Variants in TANC2 observed in about 807,000 individuals in gnomAD.
The protein encoded by TANC2 is protein TANC2.
In TANC2, 26 loss-of-function variants were observed where a neutral mutation model predicts 210.5. The ratio of observed to expected loss-of-function variants is 0.12; its 90% CI spans 0.09 to 0.17. The LOEUF (loss-of-function observed/expected upper bound fraction) is 0.17, where lower values mean the gene tolerates loss of function less well. TANC2 is among the 10% of genes least tolerant of loss of function. The probability of loss-of-function intolerance (pLI) is 1.00; values close to 1 mark genes in which losing one functional copy is unlikely to be tolerated. For synonymous variants in TANC2, 931 were observed against 967.1 expected (o/e 0.96, Z 0.69); for missense variants, 2,129 against 2,608.9 (o/e 0.82, Z 4.01).
intron 9 of TANC2, among the ~76,000 whole-genome samples, chr17:63,307,125 A>G (rs557047227): frequency 7.4e-4 from 113 of 152,282 alleles, no homozygotes; most frequent in African/African-American, 2.6e-3. Context: ...GGTCCAAATC[A>G]TCTAGAGCCT....
chr17:63,205,198 A>G (rs1172415122), intron 7 of TANC2, among the ~76,000 whole-genome samples: 1 of 152,112 alleles, frequency 6.6e-6, no homozygotes, highest in African/African-American at 2.4e-5. Context: ...TCTTTTCAAC[A>G]ATTAGCGTTA....
At chr17:63,328,493 A>G (rs1474744857) in intron 11 of TANC2, among the ~76,000 whole-genome samples, 1 of 152,032 alleles carries the variant, frequency 6.6e-6, no homozygotes, top group African/African-American at 2.4e-5. Context: ...GAATAGGGAT[A>G]AAACTGAAGG....
intron 1 of TANC2, among the ~76,000 whole-genome samples, chr17:63,008,278 C>A (rs72843153): frequency 1.1e-4 from 16 of 151,996 alleles, no homozygotes; most frequent in African/African-American, 3.6e-4. Flanking sequence ...TTGCTTCTTC[C>A]CAATTTTCAC....
At chr17:63,308,274 G>A (rs1039024355) in intron 9 of TANC2, among the ~76,000 whole-genome samples, 5 of 152,142 alleles carry the variant, frequency 3.3e-5, no homozygotes, top group South Asian at 2.1e-4. Context: ...GGCTTCTTCC[G>A]CTCCCTATCC....
rs543484703 is a variant in TANC2 at position 63,412,570 on chromosome 17, C to T, written c.3899-110C>T. 2 of 1,066,152 alleles carry T rather than the reference C, an allele frequency of 1.9e-6. No individual in the cohort carries two copies. Among genetic ancestry groups the T allele is most frequent in the South Asian group, 1.4e-5 (1 of 71,256 alleles). The allele number at this position is 1,066,152 out of a possible 1,614,324, so 66.0% of individuals were successfully genotyped here. On this transcript the variant is annotated intron_variant, in intron 23 of 27. Coordinates refer to ENST00000689528, the Ensembl canonical transcript of TANC2. This position sits in a 1 kb window ranked among gnomAD's most constrained non-coding sequence, Gnocchi z 4.2. ...AGACGAGGGTTGGCTGATATGCTGG[C>T]TTTGTGCTGCCTGCCTCTCACTGCT...
chr17:63,415,707 A>T, intron 26 of TANC2, 33 bp downstream of exon 26: 1 of 1,604,070 alleles, frequency 6.2e-7, no homozygotes, highest in Non-Finnish European at 8.5e-7. Context: ...CCTTTCTGCA[A>T]TCCTGGTAGC....
Position 63,262,355 on chromosome 17 carries a change from T to C in TANC2, c.1034-5393T>C, listed in dbSNP as rs115463948. On this transcript the variant is annotated intron_variant, in intron 8 of 27. Coordinates refer to ENST00000689528, the Ensembl canonical transcript of TANC2. Reference sequence around the variant, plus strand: ...CACTATACCCAATCAGTTTTTTTGTTTGTTTGTTTAATTTTCAGAGATGAG... The same window carrying C: ...CACTATACCCAATCAGTTTTTTTGTCTGTTTGTTTAATTTTCAGAGATGAG... Among the ~76,000 whole-genome samples the C allele has an allele frequency of 3.5e-3, 534 of 152,238 alleles. 5 individuals are homozygous for C. Among genetic ancestry groups the C allele is most frequent in the African/African-American group, 0.013 (526 of 41,544 alleles).
chr17:63,248,910 C>G (rs930528), intron 8 of TANC2, among the ~76,000 whole-genome samples: 9,758 of 152,060 alleles, frequency 0.064, 446 homozygotes, highest in Non-Finnish European at 0.093. Context: ...TTACATATGA[C>G]ATAAATGGAA....
chr17:63,076,859 A>C (rs538473261), intron 3 of TANC2, among the ~76,000 whole-genome samples: 83 of 152,290 alleles, frequency 5.5e-4, no homozygotes, highest in African/African-American at 1.6e-3. Context: ...AAAATAGAGC[A>C]AAAGGACAAA....
chr17:62,968,786 C>T (rs770869419), intron 1 of TANC2, among the ~76,000 whole-genome samples: 22 of 152,132 alleles, frequency 1.4e-4, no homozygotes, highest in Non-Finnish European at 2.9e-4. Flanking sequence ...AGTTGAAGGG[C>T]TTTAAACTTA....
At chr17:63,133,850 A>T (rs1234403779) in intron 4 of TANC2, among the ~76,000 whole-genome samples, 1 of 152,182 alleles carries the variant, frequency 6.6e-6, no homozygotes, top group African/African-American at 2.4e-5. Flanking sequence ...CTACACATAG[A>T]ATGGGTAGAA....
intron 4 of TANC2, among the ~76,000 whole-genome samples, chr17:63,103,829 TTG>T (rs747429471): frequency 3.6e-4 from 55 of 152,298 alleles, no homozygotes; most frequent in Admixed American, 1.5e-3. Context: ...ATAATGCCTG[TTG>T]TGTGGCATAC....
In TANC2 at chr17:63,100,443, T is replaced by A. The variant is rs1475728206; in HGVS notation, c.322+1086T>A. ...CTTCAGTCTAAAGACACTTTGGTCA[T>A]TAGATTAAAAAAATAGGTAAAATAG... On this transcript the variant is annotated intron_variant, in intron 4 of 27. Transcript: ENST00000689528. Among the ~76,000 whole-genome samples, 2 of 152,094 alleles carry A rather than the reference T, an allele frequency of 1.3e-5. 1 individual carries two copies. The highest frequency in any genetic ancestry group is 4.1e-4 in the South Asian group (2 of 4,832).
intron 21 of TANC2, among the ~76,000 whole-genome samples, chr17:63,406,758 C>T (rs1000825133): frequency 1.3e-5 from 2 of 152,154 alleles, no homozygotes; most frequent in Non-Finnish European, 2.9e-5. Flanking sequence ...TCCACAAATT[C>T]CTGGTGAATG....
At chr17:63,157,280 A>G (rs2145446903) in intron 5 of TANC2, among the ~76,000 whole-genome samples, 1 of 152,280 alleles carries the variant, frequency 6.6e-6, no homozygotes, top group Admixed American at 6.5e-5. Flanking sequence ...ATTTTGGGGT[A>G]TGATTTTCTG....
chr17:62,982,917 T>C (rs1195547026), intron 1 of TANC2, among the ~76,000 whole-genome samples: 1 of 152,222 alleles, frequency 6.6e-6, no homozygotes, highest in East Asian at 1.9e-4. Flanking sequence ...CTTCGTTCTT[T>C]TTGCTCAGAA....
At chr17:63,007,459 T>C (rs1258066383) in intron 1 of TANC2, among the ~76,000 whole-genome samples, 1 of 152,192 alleles carries the variant, frequency 6.6e-6, no homozygotes, top group Non-Finnish European at 1.5e-5. Context: ...TAGTAATGGA[T>C]ATAATTTGAG....
chr17:63,349,837 C>G (rs1385031429), intron 12 of TANC2, among the ~76,000 whole-genome samples: 1 of 152,124 alleles, frequency 6.6e-6, no homozygotes, highest in Non-Finnish European at 1.5e-5. Context: ...CAGTTAGTTC[C>G]AAGCAACTCC....
intron 14 of TANC2, among the ~76,000 whole-genome samples, chr17:63,363,699 A>G (rs978174827): frequency 2.0e-5 from 3 of 152,148 alleles, no homozygotes; most frequent in African/African-American, 7.2e-5. Context: ...TAGGCTCTCT[A>G]TTCTGTTCCA....
Sources: allele counts gnomAD v4.1 joint callset (sites outside exome capture counted in the v4.1 genomes callset), GRCh38; gene constraint gnomAD v4.1.1; non-coding constraint Gnocchi (gnomAD v3.1); transcripts MANE v1.5; gene names NCBI Gene and HGNC (gene_info 2026-07-23, HGNC 2026-07-21).